The following KLF8 variants were observed in gnomAD, a reference collection of about 807,000 sequenced individuals.
The protein encoded by KLF8 is Krueppel-like factor 8.
Under a neutral mutation model 18.2 loss-of-function variants are expected in KLF8, and 10 were observed. The ratio of observed to expected loss-of-function variants is 0.55; its 90% CI spans 0.34 to 0.93. The LOEUF (loss-of-function observed/expected upper bound fraction) is 0.93. KLF8 is among the 40% of genes least tolerant of loss of function. The pLI is 0.02. For missense variants in KLF8, 264 were observed against 277.9 expected (o/e 0.95, Z 0.36); for synonymous variants, 109 against 97.3 (o/e 1.12, Z -0.71).
the KLF8 span, among the ~76,000 whole-genome samples, chrX:56,018,888 T>A: frequency 1.8e-5 from 2 of 110,731 alleles, no homozygotes; most frequent in Admixed American, 1.9e-4. Context: ...GATAAAACTT[T>A]CAAGCTGTAG....
the KLF8 span, among the ~76,000 whole-genome samples, chrX:55,916,992 CT>C: frequency 8.9e-6 from 1 of 112,094 alleles, no homozygotes; most frequent in Non-Finnish European, 1.9e-5. Context: ...TTCTTCTACC[CT>C]CCAAAATGCC....
chrX:56,075,484 A>G, the KLF8 span, among the ~76,000 whole-genome samples: 1 of 112,024 alleles, frequency 8.9e-6, no homozygotes, highest in African/African-American at 3.2e-5. Context: ...TGAGATACTC[A>G]TCCACTCAAG....
At chrX:56,081,883 C>A in the KLF8 span, among the ~76,000 whole-genome samples, 1 of 111,709 alleles carries the variant, frequency 9.0e-6, no homozygotes, top group African/African-American at 3.2e-5. Flanking sequence ...AGGATTTTTG[C>A]ATCAACATTC....
At chrX:56,093,884 T>C in the KLF8 span, among the ~76,000 whole-genome samples, 1 of 103,765 alleles carries the variant, frequency 9.6e-6, no homozygotes, top group Non-Finnish European at 2.0e-5. Context: ...TAATTGTAAA[T>C]GGCAACAACG....
the KLF8 span, among the ~76,000 whole-genome samples, chrX:56,190,812 A>C: frequency 9.0e-6 from 1 of 111,634 alleles, no homozygotes; most frequent in Non-Finnish European, 1.9e-5. Flanking sequence ...GGGATACAGC[A>C]AAACCAGTAT....
the KLF8 span, among the ~76,000 whole-genome samples, chrX:56,077,997 C>CGTT: frequency 8.9e-6 from 1 of 111,981 alleles, no homozygotes; most frequent in African/African-American, 3.2e-5. Context: ...CTTTCGTATC[C>CGTT]TGAGACTTTG....
the KLF8 span, among the ~76,000 whole-genome samples, chrX:56,055,872 T>C: frequency 3.6e-5 from 4 of 112,007 alleles, no homozygotes; most frequent in African/African-American, 1.3e-4. Context: ...ATACTTTTGA[T>C]TGCATTATGA....
chrX:56,137,023 A>G, the KLF8 span, among the ~76,000 whole-genome samples: 1 of 111,805 alleles, frequency 8.9e-6, no homozygotes, highest in South Asian at 3.8e-4. Context: ...ATCACTGGCC[A>G]TCAGAGAAAT....
chrX:56,038,537 G>C, the KLF8 span, among the ~76,000 whole-genome samples: 1 of 112,287 alleles, frequency 8.9e-6, no homozygotes, highest in South Asian at 3.7e-4. Flanking sequence ...GTCCCTACAA[G>C]AACATGATCT....
At chrX:56,189,791 G>A in the KLF8 span, among the ~76,000 whole-genome samples, 1 of 99,195 alleles carries the variant, frequency 1.0e-5, no homozygotes, top group Non-Finnish European at 2.0e-5. Flanking sequence ...AACACCACAT[G>A]TTCTCACTCA....
intron 2 of KLF8, among the ~76,000 whole-genome samples, chrX:56,261,176 T>C (rs771164242): frequency 9.0e-6 from 1 of 111,675 alleles, no homozygotes; most frequent in East Asian, 2.8e-4. Context: ...AATAACTCTT[T>C]TTATATTTTT....
the KLF8 span, among the ~76,000 whole-genome samples, chrX:56,101,364 C>T: frequency 4.5e-5 from 5 of 111,977 alleles, no homozygotes; most frequent in African/African-American, 1.6e-4. Flanking sequence ...TTGATCCAAT[C>T]TACCACTGAC....
the KLF8 span, among the ~76,000 whole-genome samples, chrX:56,017,484 G>A: frequency 1.4e-4 from 16 of 112,258 alleles, no homozygotes; most frequent in Admixed American, 1.0e-3. Context: ...ACGGGGAAGC[G>A]CAATGGAGGA....
At chrX:55,989,246 A>T in the KLF8 span, among the ~76,000 whole-genome samples, 1 of 111,797 alleles carries the variant, frequency 8.9e-6, no homozygotes, top group Non-Finnish European at 1.9e-5. Flanking sequence ...TGTGTTGAAT[A>T]GGGGTGGTGA....
chrX:56,096,256 C>T, the KLF8 span, among the ~76,000 whole-genome samples: 1 of 110,881 alleles, frequency 9.0e-6, no homozygotes, highest in African/African-American at 3.3e-5. Context: ...GTGCATCTAG[C>T]ATAAAGAGTG....
At chrX:56,023,578 A>G in the KLF8 span, among the ~76,000 whole-genome samples, 8 of 111,834 alleles carry the variant, frequency 7.2e-5, no homozygotes, top group East Asian at 1.4e-3. Flanking sequence ...TCAAGATGAT[A>G]TGATAAATAT....
chrX:56,059,468 G>A, the KLF8 span, among the ~76,000 whole-genome samples: 2 of 112,009 alleles, frequency 1.8e-5, no homozygotes, highest in Admixed American at 9.5e-5. Context: ...TTTTCATTTA[G>A]GGTTTTTGTT....
chrX:56,002,458 A>G, the KLF8 span, among the ~76,000 whole-genome samples: 1 of 105,428 alleles, frequency 9.5e-6, no homozygotes, highest in Non-Finnish European at 2.0e-5. Flanking sequence ...TGTGTGTTTA[A>G]GTGTCTACCT....
chrX:56,007,298 G>A, the KLF8 span, among the ~76,000 whole-genome samples: 12 of 111,157 alleles, frequency 1.1e-4, no homozygotes, highest in Admixed American at 3.8e-4. Context: ...ATGTAGTCTG[G>A]TGGGAGTCGT....
Sources: gnomAD v4.1 joint callset for allele counts (sites outside exome capture counted in the v4.1 genomes callset) on GRCh38, gnomAD v4.1.1 for gene constraint, MANE v1.5 for transcripts, NCBI Gene and HGNC (gene_info 2026-07-23, HGNC 2026-07-21) for gene names.